RPS6KB1: variants seen among roughly 807,000 people sequenced by gnomAD.
RPS6KB1 encodes ribosomal protein S6 kinase B1.
Under a neutral mutation model 70.2 loss-of-function variants are expected in RPS6KB1, and 12 were observed. That is an observed-to-expected ratio of 0.17 (90% CI 0.11 to 0.28). The LOEUF (loss-of-function observed/expected upper bound fraction) is 0.28. RPS6KB1 is among the 10% of genes least tolerant of loss of function. The pLI is 1.00. For synonymous variants in RPS6KB1, 175 were observed against 211.2 expected, an observed-to-expected ratio of 0.83 and a Z score of 1.49; for missense variants, 270 against 646.6, an observed-to-expected ratio of 0.42 and a Z score of 6.32.
intron 1 of RPS6KB1, among the ~76,000 whole-genome samples, chr17:59,910,193 GAAAA>G (rs980658679): frequency 8.9e-5 from 7 of 78,424 alleles, no homozygotes; most frequent in Non-Finnish European, 1.9e-4. Context: ...TCTCAAAAAA[GAAAA>G]AAAAAAAAAA....
intron 1 of RPS6KB1, 67 bp from the exon 2 acceptor site, chr17:59,910,495 C>A: frequency 1.0e-6 from 1 of 986,464 alleles, no homozygotes; most frequent in Non-Finnish European, 1.5e-6. Context: ...AGTTATGAGA[C>A]AAAGAATTAA....
chr17:59,931,390 A>G, intron 6 of RPS6KB1: 1 of 469,116 alleles, frequency 2.1e-6, no homozygotes, highest in East Asian at 3.9e-5. Flanking sequence ...TTAGCAATAT[A>G]TTCTAATGGC....
In RPS6KB1 at chr17:59,914,504, T is replaced by C. The variant is rs1431984389; in HGVS notation, c.313-131T>C. On this transcript the variant is annotated intron_variant, in intron 3 of 14. Coordinates refer to ENST00000225577, the MANE Select transcript of RPS6KB1 (RefSeq NM_003161.4). Reference sequence around the variant, plus strand: ...ATGATCATTAATGTGGTCTGTTCTTTTAGCTGATCATTTTTGCACATAGTT... The same window carrying C: ...ATGATCATTAATGTGGTCTGTTCTTCTAGCTGATCATTTTTGCACATAGTT... The C allele has an allele frequency of 2.3e-5, 17 of 729,926 alleles. No individual in the cohort carries two copies. In the South Asian group the frequency reaches 2.5e-4, roughly 11 times the overall value. The allele number at this position is 729,926 out of a possible 1,614,324, so 45.2% of individuals were successfully genotyped here.
chr17:59,931,774 C>G, intron 7 of RPS6KB1, 52 bp downstream of exon 7: 1 of 1,309,042 alleles, frequency 7.6e-7, no homozygotes, highest in Non-Finnish European at 1.1e-6. Flanking sequence ...TTAAAATCCT[C>G]CCACATAGGT....
At chr17:59,907,540 A>ATT (rs34066262) in intron 1 of RPS6KB1, 5,218 of 141,994 alleles carry the variant, frequency 0.037, 284 homozygotes, top group African/African-American at 0.13. Flanking sequence ...ACTTTGGTTA[A>ATT]TTTTTTTTTT....
chr17:59,945,752 A>G (rs555639917), intron 14 of RPS6KB1, among the ~76,000 whole-genome samples: 2 of 152,312 alleles, frequency 1.3e-5, no homozygotes, highest in East Asian at 3.9e-4. Flanking sequence ...TGTCCTCTTT[A>G]TCCATTCACT....
intron 12 of RPS6KB1, among the ~76,000 whole-genome samples, chr17:59,939,949 G>C (rs2044478775): frequency 6.6e-6 from 1 of 152,152 alleles, no homozygotes; most frequent in African/African-American, 2.4e-5. Flanking sequence ...AAATCTCATG[G>C]TTAGAACTGA....
rs1202510058 is a variant in RPS6KB1, at chr17:59,934,283, T to C, written c.779+23T>C. ...CATGTGAGCTACATGTTAAACATAATTGGTTTGGGGGTAATAGCTAATTTT... is the reference window on the plus strand; with the variant it reads ...CATGTGAGCTACATGTTAAACATAACTGGTTTGGGGGTAATAGCTAATTTT... On this transcript the variant is annotated intron_variant, in intron 8 of 14. Coordinates refer to ENST00000225577, the MANE Select transcript of RPS6KB1 (RefSeq NM_003161.4). The surrounding 1 kb of genome is among the most constrained non-coding windows in gnomAD (Gnocchi z 4.8). 2 of 1,562,354 alleles carry C rather than the reference T, an allele frequency of 1.3e-6. No homozygotes were observed. Among genetic ancestry groups the C allele is most frequent in the Admixed American group, 1.7e-5 (1 of 59,898 alleles).
At chr17:59,920,679 G>C (rs2043213920) in intron 4 of RPS6KB1, among the ~76,000 whole-genome samples, 1 of 152,190 alleles carries the variant, frequency 6.6e-6, no homozygotes, top group African/African-American at 2.4e-5. Flanking sequence ...TCCCAGAAAT[G>C]TGAAAAGAAG....
rs34530239 is a variant in RPS6KB1 at position 59,941,319 on chromosome 17, CT to C, written c.1227+395del. On this transcript the variant is annotated intron_variant, in intron 13 of 14. Transcript: ENST00000225577. The stretch of plus-strand genomic sequence containing the variant: ...CTGAAACAGCTATAGATTTTTGGTA[CT>C]TTTTTTTTTTTTTTTTTTGAGACAG... Among the ~76,000 whole-genome samples the C allele has an allele frequency of 4.5e-3, 560 of 125,024 alleles. 1 individual carries two copies. The highest frequency in any genetic ancestry group is 0.015 in the East Asian group (68 of 4,408). The allele number at this position is 125,024 out of a possible 152,430, so 82.0% of individuals were successfully genotyped here.
chr17:59,913,409 G>A (rs1430981876), intron 3 of RPS6KB1, among the ~76,000 whole-genome samples: 2 of 152,138 alleles, frequency 1.3e-5, no homozygotes, highest in Non-Finnish European at 2.9e-5. Context: ...TTGCTATTGT[G>A]TAGTGTTAAT....
chr17:59,910,217 G>A (rs968089785), intron 1 of RPS6KB1, among the ~76,000 whole-genome samples: 34 of 151,170 alleles, frequency 2.2e-4, no homozygotes, highest in African/African-American at 8.0e-4. Context: ...AAACCCGGGT[G>A]CCTATAGTCC....
intron 1 of RPS6KB1, among the ~76,000 whole-genome samples, chr17:59,906,043 T>C (rs1474150576): frequency 6.6e-6 from 1 of 152,198 alleles, no homozygotes; most frequent in East Asian, 1.9e-4. Context: ...CATATAGATA[T>C]CCAGTTGTCC....
intron 4 of RPS6KB1, among the ~76,000 whole-genome samples, chr17:59,922,631 G>A (rs775421852): frequency 3.1e-5 from 4 of 127,332 alleles, no homozygotes; most frequent in African/African-American, 1.3e-4. Flanking sequence ...TGCAGCTTCT[G>A]CCTCCCGGGT....
In RPS6KB1 at chr17:59,895,088, T is replaced by A. The variant is rs189792979; in HGVS notation, c.141+1763T>A. Among the ~76,000 whole-genome samples the A allele has an allele frequency of 4.2e-4, 64 of 152,098 alleles. 1 individual carries two copies. In the East Asian group the frequency reaches 0.01, roughly 24 times the overall value. ...CAGGCTGGAATGCAGTGGCGTGATC[T>A]CAGCTCACTGCAACCTCTGCCTCCT... On this transcript the variant is annotated intron_variant, in intron 1 of 14. Coordinates refer to ENST00000225577, the MANE Select transcript of RPS6KB1 (RefSeq NM_003161.4).
chr17:59,925,244 A>G (rs1187396384), intron 4 of RPS6KB1, among the ~76,000 whole-genome samples: 2 of 152,146 alleles, frequency 1.3e-5, no homozygotes, highest in Non-Finnish European at 2.9e-5. Context: ...TTCACAGATA[A>G]TGTTGCAACC....
chr17:59,939,820 A>G (rs2044471149), intron 12 of RPS6KB1, among the ~76,000 whole-genome samples: 1 of 152,194 alleles, frequency 6.6e-6, no homozygotes. Flanking sequence ...GAGAATTATA[A>G]GGTCAATGTG....
chr17:59,950,065 T>C lies in RPS6KB1; in HGVS notation c.*3277T>C, dbSNP rs1443743201. ...TTCATAGGAGTAGACACTAGCAAGCTGGACAAACTATCACAAAAGTATTTG... is the reference window on the plus strand; with the variant it reads ...TTCATAGGAGTAGACACTAGCAAGCCGGACAAACTATCACAAAAGTATTTG... On this transcript the variant is annotated 3_prime_UTR_variant, in exon 15 of 15. Transcript: ENST00000225577. 2.6e-5 allele frequency: 4 copies of C among 152,556 alleles called. No individual in the cohort carries two copies. The highest frequency in any genetic ancestry group is 9.6e-5 in the African/African-American group (4 of 41,454). The allele number at this position is 152,556 out of a possible 1,614,324, so 9.5% of individuals were successfully genotyped here. A position where few individuals can be genotyped will look rare whatever the true frequency, so the allele number is the denominator to read the frequency against.
chr17:59,909,501 C>A (rs986268375), intron 1 of RPS6KB1, among the ~76,000 whole-genome samples: 1 of 140,278 alleles, frequency 7.1e-6, no homozygotes, highest in Non-Finnish European at 1.6e-5. Flanking sequence ...CTCCTGACCT[C>A]GTGATCTGCC....
Sources: allele counts gnomAD v4.1 joint callset (sites outside exome capture counted in the v4.1 genomes callset), GRCh38; gene constraint gnomAD v4.1.1; non-coding constraint Gnocchi (gnomAD v3.1); transcripts MANE v1.5; gene names NCBI Gene and HGNC (gene_info 2026-07-23, HGNC 2026-07-21).